FANCA: variants seen among roughly 807,000 people sequenced by gnomAD.
FANCA encodes the protein FA complementation group A.
Under a neutral mutation model 194.3 loss-of-function variants are expected in FANCA, and 236 were observed. That is an observed-to-expected ratio of 1.21 (90% CI 1.09 to 1.35). The LOEUF is 1.35. Among genes scored for constraint, FANCA ranks in the 40% most tolerant of loss-of-function variants. FANCA has a pLI of 0.00. For missense variants in FANCA, 2,628 were observed against 1,813.9 expected, an observed-to-expected ratio of 1.45 and a Z score of -8.15; for synonymous variants, 1,014 against 715.8, an observed-to-expected ratio of 1.42 and a Z score of -6.65.
At chr16:89,784,074 A>C (rs17232651) in intron 15 of FANCA, among the ~76,000 whole-genome samples, 28 of 152,072 alleles carry the variant, frequency 1.8e-4, no homozygotes, top group African/African-American at 6.5e-4. Context: ...TTCTTAAAAG[A>C]TGAGGGTCAG....
intron 38 of FANCA, 185 bp downstream of exon 38, chr16:89,740,617 CAG>C (rs1259076808): frequency 1.0e-5 from 6 of 600,422 alleles, no homozygotes; most frequent in Admixed American, 3.1e-5. Flanking sequence ...GCCTGGGTGA[CAG>C]AGTGAGACCC....
intron 28 of FANCA, among the ~76,000 whole-genome samples, chr16:89,763,523 C>A (rs1440241851): frequency 3.9e-5 from 6 of 152,026 alleles, no homozygotes. Context: ...CAAACATCCT[C>A]AGAAATAAAT....
At position 89,758,644 on chromosome 16, in the gene FANCA, C is replaced by T. The variant is rs764155334; in HGVS notation, c.2914G>A (p.Gly972Ser). 1 of 1,614,028 alleles carries T rather than the reference C, an allele frequency of 6.2e-7. No homozygotes were observed. The highest frequency in any genetic ancestry group is 1.1e-5 in the South Asian group (1 of 91,080). ...GCAGCCTGCAGGTCTCCGTCACAGC[C>T]CCCTGAAGCCGAGGACTCAGGGAGA... Reference protein sequence around the residue: ...HFLPESSASGGCDGDLQAACT... With the variant: ...HFLPESSASGSCDGDLQAACT... Residue 972 changes from glycine to serine, a missense_variant, in exon 30 of 43, where the codon GGC becomes AGC. Physicochemically the swap from Gly to Ser is moderately conservative, Grantham distance 56. Transcript: ENST00000389301.
In FANCA at chr16:89,745,002, G is replaced by A. The variant is rs143642304; in HGVS notation, c.3583C>T (p.Arg1195Trp). Reference protein sequence around the residue: ...WRRHCQSPLPRELQKLQEGRQ... With the variant: ...WRRHCQSPLPWELQKLQEGRQ... ...CCTTCTTGTAGCTTCTGCAGTTCCC[G>A]GGGCAGCGGGCTCTGGCAGTGTCTC... Residue 1195 changes from arginine (R) to tryptophan (W), a missense_variant, in exon 36 of 43, where the codon CGG becomes TGG. Transcript: ENST00000389301. 1.7e-4 allele frequency: 279 copies of A among 1,611,068 alleles called. 1 individual carries two copies. Among genetic ancestry groups the A allele is most frequent in the African/African-American group, 1.4e-3 (105 of 75,018 alleles).
At chr16:89,813,032 CA>C (rs34840110) in intron 3 of FANCA, among the ~76,000 whole-genome samples, 73,536 of 126,980 alleles carry the variant, frequency 0.58, 20,026 homozygotes, top group East Asian at 0.95. Context: ...CACTTCGTCT[CA>C]AAAAAAAAAA....
intron 6 of FANCA, among the ~76,000 whole-genome samples, chr16:89,807,866 G>T (rs1055579686): frequency 2.0e-5 from 3 of 151,790 alleles, no homozygotes; most frequent in Non-Finnish European, 4.4e-5. Context: ...CTGGGTGACA[G>T]AACGAGACTC....
intron 33 of FANCA, 92 bp from the exon 34 acceptor site, chr16:89,746,982 A>C: frequency 8.2e-7 from 1 of 1,226,370 alleles, no homozygotes; most frequent in Non-Finnish European, 1.2e-6. Context: ...AGTTTTGAGA[A>C]AAACACTCGC....
At chr16:89,787,393 G>T (rs1196015489) in intron 14 of FANCA, among the ~76,000 whole-genome samples, 1 of 152,128 alleles carries the variant, frequency 6.6e-6, no homozygotes, top group Non-Finnish European at 1.5e-5. Flanking sequence ...TGTGGTGGCA[G>T]GCGCCTGTAG....
At chr16:89,787,693 A>G (rs2039943883) in intron 14 of FANCA, among the ~76,000 whole-genome samples, 2 of 151,996 alleles carry the variant, frequency 1.3e-5, no homozygotes, top group South Asian at 4.2e-4. Flanking sequence ...CCATGATCAC[A>G]CCACCACATC....
chr16:89,739,661 G>A, intron 39 of FANCA, 108 bp from the exon 40 acceptor site: 2 of 1,506,206 alleles, frequency 1.3e-6, no homozygotes, highest in Non-Finnish European at 1.8e-6. Flanking sequence ...CCTGGCTGTG[G>A]GGATAGTGTG....
intron 36 of FANCA, among the ~76,000 whole-genome samples, chr16:89,744,110 G>C (rs555377603): frequency 6.6e-6 from 1 of 152,128 alleles, no homozygotes; most frequent in Non-Finnish European, 1.5e-5. Context: ...GGCCAGGCTG[G>C]TCTCAAACTC....
chr16:89,774,350 T>C (rs2039422326), intron 21 of FANCA, among the ~76,000 whole-genome samples: 1 of 151,906 alleles, frequency 6.6e-6, no homozygotes, highest in Admixed American at 6.6e-5. Flanking sequence ...GGAGGACACC[T>C]CTCAAGAGAA....
rs17225747 is a variant in FANCA, at chr16:89,814,226, T to C, written c.283+294A>G. ...GGCACACCACAGCCTGTCTCACTAC[T>C]TCCATGAGCAAGGGGCACATCCCTG... On this transcript the variant is annotated intron_variant, in intron 3 of 42. Coordinates refer to ENST00000389301, the MANE Select transcript of FANCA (RefSeq NM_000135.4). Among the ~76,000 whole-genome samples, 19,561 of 152,210 alleles carry C rather than the reference T, an allele frequency of 0.13. 1,577 individuals carry two copies. The highest frequency in any genetic ancestry group is 0.34 in the Middle Eastern group (99 of 294).
At position 89,740,869 on chromosome 16, in the gene FANCA, G is replaced by A. The variant is rs921011399; in HGVS notation, c.3766-3C>T. 3 of 1,611,158 alleles carry A rather than the reference G, an allele frequency of 1.9e-6. No individual in the cohort carries two copies. Among genetic ancestry groups the A allele is most frequent in the Non-Finnish European group, 1.7e-6 (2 of 1,178,254 alleles). On this transcript the variant is annotated splice_polypyrimidine_tract_variant and splice_region_variant and intron_variant, in intron 37 of 42. Coordinates refer to ENST00000389301, the MANE Select transcript of FANCA (RefSeq NM_000135.4). ...AAGAAGAAAAGGAAAACCAATAGCT[G>A]TAAATAAAAACGTGCACTTATTATT...
At position 89,749,519 on chromosome 16, in the gene FANCA, G is replaced by A. The variant is rs1281952531; in HGVS notation, c.3239+211C>T. On this transcript the variant is annotated intron_variant, in intron 32 of 42. Coordinates refer to ENST00000389301, the MANE Select transcript of FANCA (RefSeq NM_000135.4). ...TAGGATTACAGGCATGAACCACCTC[G>A]CTTGGCTGGAAGGTTTTAATCAAAA... 1.3e-5 allele frequency among the ~76,000 whole-genome samples: 2 copies of A among 152,148 alleles called. No individual in the cohort carries two copies. Among genetic ancestry groups the A allele is most frequent in the Non-Finnish European group, 2.9e-5 (2 of 68,024 alleles).
intron 1 of FANCA, 70 bp downstream of exon 1, chr16:89,816,467 G>A (rs1301700850): frequency 1.5e-6 from 2 of 1,350,168 alleles, no homozygotes; most frequent in Admixed American, 2.9e-5. Context: ...GGCGGGAAGG[G>A]ATCGGGGAAC....
At chr16:89,806,347 C>CTTTTTTTT (rs34862478) in intron 6 of FANCA, among the ~76,000 whole-genome samples, 89 of 110,168 alleles carry the variant, frequency 8.1e-4, no homozygotes, top group East Asian at 2.5e-3. Context: ...CTATATCATT[C>CTTTTTTTT]TTTTTTTTTT....
Position 89,764,921 on chromosome 16 carries a change from A to G in FANCA, c.2747T>C (p.Phe916Ser), listed in dbSNP as rs1567614408. The G allele has an allele frequency of 2.5e-6, 4 of 1,614,034 alleles. No homozygotes were observed. The highest frequency in any genetic ancestry group is 3.4e-6 in the Non-Finnish European group (4 of 1,180,018). The change falls in exon 28 of 43, where the codon TTC becomes TCC. Residue 916 changes from phenylalanine to serine, a missense_variant. Transcript: ENST00000389301. Reference sequence around the variant, plus strand: ...ATCTTCCTCTTTCAACACCTCTCGGAAGGTTCTGTGTGTCCAGAGAGAGAG... The same window carrying G: ...ATCTTCCTCTTTCAACACCTCTCGGGAGGTTCTGTGTGTCCAGAGAGAGAG... ...AALSLWTHRT[F>S]REVLKEEDVH...
intron 1 of FANCA, chr16:89,816,289 C>CG (rs1481418535): frequency 1.6e-5 from 4 of 251,842 alleles, no homozygotes; most frequent in Non-Finnish European, 3.0e-5. Flanking sequence ...GGGCGGCCGG[C>CG]GGGGGCGGCG....
Sources: allele counts gnomAD v4.1 joint callset (sites outside exome capture counted in the v4.1 genomes callset), GRCh38; gene constraint gnomAD v4.1.1; transcripts MANE v1.5; gene names NCBI Gene and HGNC (gene_info 2026-07-23, HGNC 2026-07-21).